The following PGGT1B variants were observed in gnomAD, a reference collection of about 807,000 sequenced individuals.
PGGT1B encodes the protein protein geranylgeranyltransferase type I subunit beta.
PGGT1B carries 30 observed loss-of-function variants against 46.1 expected under a neutral mutation model. The ratio of observed to expected loss-of-function variants is 0.65; its 90% CI spans 0.49 to 0.88. The LOEUF (loss-of-function observed/expected upper bound fraction) is 0.88. PGGT1B is among the 40% of genes least tolerant of loss of function. PGGT1B has a pLI of 0.00. For synonymous variants in PGGT1B, 170 were observed against 160.0 expected (o/e 1.06, Z -0.47); for missense variants, 376 against 455.9 (o/e 0.82, Z 1.60).
In PGGT1B at chr5:115,207,672, G is replaced by GT. The variant is rs1756104887; in HGVS notation, c.*4729dup. The GT allele has an allele frequency of 6.6e-6, 1 of 151,918 alleles. No individual in the cohort carries two copies. Among genetic ancestry groups the GT allele is most frequent in the South Asian group, 2.1e-4 (1 of 4,824 alleles). 9.4% of individuals were successfully genotyped at this position (151,918 alleles called of 1,614,324 possible). Reference sequence around the variant, plus strand: ...AGCTACTTTACTAAGTTCTTTTATTGTTTAGTTTTTCAACAAGTTCCTTTG... The same window carrying GT: ...AGCTACTTTACTAAGTTCTTTTATTGTTTTAGTTTTTCAACAAGTTCCTTTG... On this transcript the variant is annotated 3_prime_UTR_variant, in exon 9 of 9. Coordinates refer to ENST00000419445, the MANE Select transcript of PGGT1B (RefSeq NM_005023.4).
intron 7 of PGGT1B, among the ~76,000 whole-genome samples, chr5:115,217,944 A>C (rs1167122855): frequency 2.0e-5 from 3 of 152,018 alleles, no homozygotes; most frequent in African/African-American, 7.2e-5. Flanking sequence ...ACTATCCCAT[A>C]ATAAGTGTTG....
chr5:115,217,322 A>T (rs1435720237), intron 7 of PGGT1B, among the ~76,000 whole-genome samples: 3 of 132,820 alleles, frequency 2.3e-5, no homozygotes, highest in Admixed American at 8.3e-5. Context: ...TCTTATGATA[A>T]GCTCTTGAGC....
chr5:115,214,044 T>C (rs1020462492), intron 8 of PGGT1B, among the ~76,000 whole-genome samples: 1 of 152,194 alleles, frequency 6.6e-6, no homozygotes, highest in African/African-American at 2.4e-5. Context: ...ATTTCACCTG[T>C]CATATTACAT....
intron 3 of PGGT1B, 66 bp from the exon 4 acceptor site, chr5:115,238,075 C>T: frequency 1.7e-6 from 2 of 1,173,646 alleles, no homozygotes; most frequent in Non-Finnish European, 2.4e-6. Context: ...ATTAAGAAAT[C>T]TGACATAAGG....
At chr5:115,220,687 G>T (rs1756561884) in intron 7 of PGGT1B, among the ~76,000 whole-genome samples, 1 of 151,780 alleles carries the variant, frequency 6.6e-6, no homozygotes, top group Non-Finnish European at 1.5e-5. Context: ...GATACAATAG[G>T]AAATATACGT....
chr5:115,223,616 T>C (rs1243389024), intron 6 of PGGT1B, among the ~76,000 whole-genome samples: 1 of 152,156 alleles, frequency 6.6e-6, no homozygotes. Context: ...TAAGTCTCAG[T>C]TCAGACTTAG....
intron 3 of PGGT1B, among the ~76,000 whole-genome samples, chr5:115,240,582 TG>T (rs1264720338): frequency 1.3e-5 from 2 of 152,236 alleles, no homozygotes; most frequent in African/African-American, 4.8e-5. Context: ...TAAATTCATA[TG>T]ACCTTGACAC....
At chr5:115,262,331 T>C (rs749261291) in intron 1 of PGGT1B, among the ~76,000 whole-genome samples, 3 of 152,188 alleles carry the variant, frequency 2.0e-5, no homozygotes, top group Non-Finnish European at 4.4e-5. Flanking sequence ...TTAATGACTT[T>C]AGAGAGGACA....
chr5:115,220,265 C>T (rs1358441250), intron 7 of PGGT1B, among the ~76,000 whole-genome samples: 1 of 151,782 alleles, frequency 6.6e-6, no homozygotes, highest in Non-Finnish European at 1.5e-5. Flanking sequence ...TATTATTATT[C>T]AGCCATTAAA....
rs1003332400 is a variant in PGGT1B at position 115,230,893 on chromosome 5, T to C, written c.658+83A>G. On this transcript the variant is annotated intron_variant, in intron 6 of 8. Coordinates refer to ENST00000419445, the MANE Select transcript of PGGT1B (RefSeq NM_005023.4). ...TGCACCAAGGGTTGAGAAAAACTTC[T>C]GAGGTTCTCCATACTGAAGACACCA... 6.5e-5 allele frequency: 53 copies of C among 811,474 alleles called. 1 individual carries two copies. The Middle Eastern group carries it at 6.8e-4, about 10-fold the overall frequency. The allele number at this position is 811,474 out of a possible 1,614,324, so 50.3% of individuals were successfully genotyped here. A position where few individuals can be genotyped will look rare whatever the true frequency, so the allele number is the denominator to read the frequency against.
chr5:115,255,179 G>A (rs777040259), intron 1 of PGGT1B, among the ~76,000 whole-genome samples: 4 of 152,180 alleles, frequency 2.6e-5, no homozygotes, highest in Admixed American at 1.3e-4. Context: ...GATTTGGAGG[G>A]ACAAGAGTAA....
chr5:115,257,040 AC>A (rs1366960885), intron 1 of PGGT1B, among the ~76,000 whole-genome samples: 1 of 152,126 alleles, frequency 6.6e-6, no homozygotes, highest in East Asian at 1.9e-4. Flanking sequence ...CTCTTCTCTC[AC>A]TCTGAACAAT....
In PGGT1B at chr5:115,212,478, C is replaced by T. The variant is rs1285534646; in HGVS notation, c.1058G>A (p.Arg353His). Residue 353 changes from arginine (R) to histidine (H), a missense_variant, in exon 9 of 9, where the codon CGC becomes CAC. Around this residue, in one of 2 missense-constraint regions of PGGT1B, gnomAD observed 222 missense variants for 313.6 expected, o/e 0.71. Coordinates refer to ENST00000419445, the MANE Select transcript of PGGT1B (RefSeq NM_005023.4). ...ALNVSTRTSE[R>H]LLDLHQSWKT... Reference sequence around the variant, plus strand: ...CCAGCTTTGATGGAGATCTAGAAGGCGTTCAGAAGTCCGTGTGCTTACATT... The same window carrying T: ...CCAGCTTTGATGGAGATCTAGAAGGTGTTCAGAAGTCCGTGTGCTTACATT... 3 of 1,611,612 alleles carry T rather than the reference C, an allele frequency of 1.9e-6. No individual in the cohort carries two copies. Among genetic ancestry groups the T allele is most frequent in the South Asian group, 2.2e-5 (2 of 91,034 alleles).
intron 3 of PGGT1B, among the ~76,000 whole-genome samples, chr5:115,241,103 C>T (rs1381345256): frequency 6.6e-6 from 1 of 152,138 alleles, no homozygotes; most frequent in African/African-American, 2.4e-5. Context: ...TTTAGAAGGG[C>T]TTTTTCTTTT....
chr5:115,246,074 G>T lies in PGGT1B; in HGVS notation c.260-4468C>A, dbSNP rs534820795. Among the ~76,000 whole-genome samples, 9 of 152,174 alleles carry T rather than the reference G, an allele frequency of 5.9e-5. No homozygotes were observed. The South Asian group carries it at 6.2e-4, about 11-fold the overall frequency. ...CACTTAATTTTTCACCACTTAGGCC[G>T]GGCGCGGTGGCTCAAGCCTGTCATC... On this transcript the variant is annotated intron_variant, in intron 2 of 8. Coordinates refer to ENST00000419445, the MANE Select transcript of PGGT1B (RefSeq NM_005023.4).
intron 7 of PGGT1B, 38 bp downstream of exon 7, chr5:115,221,786 C>T (rs113653118): frequency 1.5e-5 from 20 of 1,306,554 alleles, no homozygotes; most frequent in African/African-American, 1.2e-4. Flanking sequence ...TATATGAACA[C>T]AGAATATAGG....
In PGGT1B at chr5:115,205,653, A is replaced by AG. The variant is rs986683211; in HGVS notation, c.*6748dup. The AG allele has an allele frequency of 6.6e-6, 1 of 152,116 alleles. No individual in the cohort carries two copies. Among genetic ancestry groups the AG allele is most frequent in the African/African-American group, 2.4e-5 (1 of 41,446 alleles). The allele number at this position is 152,116 out of a possible 1,614,324, so 9.4% of individuals were successfully genotyped here. A position where few individuals can be genotyped will look rare whatever the true frequency, so the allele number is the denominator to read the frequency against. On this transcript the variant is annotated 3_prime_UTR_variant, in exon 9 of 9. Transcript: ENST00000419445. The stretch of plus-strand genomic sequence containing the variant: ...ATGAGTTTGAGGAACGAAGCCACAA[A>AG]GGTCTTTTCTAATGCCACAATTATT...
intron 8 of PGGT1B, 71 bp from the exon 9 acceptor site, chr5:115,212,654 C>T: frequency 2.0e-6 from 2 of 1,004,190 alleles, no homozygotes; most frequent in Middle Eastern, 4.4e-4. Flanking sequence ...ATTTTAGCCA[C>T]ATATTTACCA....
intron 8 of PGGT1B, among the ~76,000 whole-genome samples, chr5:115,215,031 C>A (rs1756370201): frequency 5.3e-5 from 8 of 152,212 alleles, no homozygotes; most frequent in Admixed American, 5.2e-4. Context: ...CAGAGTCTCG[C>A]TCTGTCGCCC....
Sources: allele counts gnomAD v4.1 joint callset (sites outside exome capture counted in the v4.1 genomes callset), GRCh38; gene constraint gnomAD v4.1.1; regional missense constraint gnomAD v4.1.1; transcripts MANE v1.5; gene names NCBI Gene and HGNC (gene_info 2026-07-23, HGNC 2026-07-21).